Variants in PLEKHH2 observed in about 807,000 individuals in gnomAD.
PLEKHH2 encodes pleckstrin homology domain-containing family H member 2.
Under a neutral mutation model 187.9 loss-of-function variants are expected in PLEKHH2, and 129 were observed. That is an observed-to-expected ratio of 0.69 (90% CI 0.59 to 0.79). The LOEUF (loss-of-function observed/expected upper bound fraction) is 0.79. Among genes scored for constraint, PLEKHH2 ranks in the 30% least tolerant of loss-of-function variants. The pLI, the probability that PLEKHH2 is intolerant of heterozygous loss-of-function variation, is 0.00. For synonymous variants in PLEKHH2, 686 were observed against 605.6 expected (o/e 1.13, Z -1.95); for missense variants, 2,076 against 1,751.2 (o/e 1.19, Z -3.31).
At chr2:43,668,407 A>T (rs1349169221) in intron 2 of PLEKHH2, among the ~76,000 whole-genome samples, 2 of 152,136 alleles carry the variant, frequency 1.3e-5, no homozygotes, top group Non-Finnish European at 2.9e-5. Flanking sequence ...TTGTTTCATA[A>T]AATATTAGAT....
chr2:43,668,276 C>G (rs944828244), intron 2 of PLEKHH2, among the ~76,000 whole-genome samples: 3 of 152,180 alleles, frequency 2.0e-5, no homozygotes, highest in African/African-American at 2.4e-5. Context: ...AGGTAATTCA[C>G]CCACCTTGGC....
intron 17 of PLEKHH2, among the ~76,000 whole-genome samples, chr2:43,727,643 T>G (rs1158575933): frequency 3.9e-5 from 6 of 152,230 alleles, no homozygotes; most frequent in Non-Finnish European, 8.8e-5. Flanking sequence ...TTTGAGCACA[T>G]GTATCAGGCC....
intron 18 of PLEKHH2, among the ~76,000 whole-genome samples, chr2:43,730,552 C>T (rs897861950): frequency 6.6e-6 from 1 of 152,208 alleles, no homozygotes. Context: ...GCATGCACCA[C>T]CATGCCCGAC....
chr2:43,710,662 A>G, intron 14 of PLEKHH2, 87 bp downstream of exon 14: 1 of 1,491,384 alleles, frequency 6.7e-7, no homozygotes, highest in Non-Finnish European at 8.8e-7. Flanking sequence ...AGGAGATAGG[A>G]TAATTCAGTG....
intron 3 of PLEKHH2, among the ~76,000 whole-genome samples, chr2:43,686,836 TA>T (rs1251077932): frequency 6.6e-6 from 1 of 152,190 alleles, no homozygotes; most frequent in African/African-American, 2.4e-5. Context: ...TAAGAAGCTT[TA>T]AAAAGATATT....
chr2:43,697,752 T>G (rs937345414), intron 7 of PLEKHH2, among the ~76,000 whole-genome samples: 4 of 152,154 alleles, frequency 2.6e-5, no homozygotes, highest in Non-Finnish European at 5.9e-5. Flanking sequence ...AAAACATTAT[T>G]TAAAATATAA....
rs888802992 is a variant in PLEKHH2, at chr2:43,659,163, C to CTTTTTTTTTTTTTTT, written c.123+14375_123+14376insTTTTTTTTTTTTTTT. Among the ~76,000 whole-genome samples, 630 of 147,856 alleles carry CTTTTTTTTTTTTTTT rather than the reference C, an allele frequency of 4.3e-3. 9 individuals are homozygous for CTTTTTTTTTTTTTTT. Among genetic ancestry groups the CTTTTTTTTTTTTTTT allele is most frequent in the African/African-American group, 0.016 (603 of 38,708 alleles). ...AATTTTTGTATATATATATTTTTTTCTTTTTTTTGGTAGAAGCGAGGTTTT... is the reference window on the plus strand; with the variant it reads ...AATTTTTGTATATATATATTTTTTTCTTTTTTTTTTTTTTTTTTTTTTTGGTAGAAGCGAGGTTTT... On this transcript the variant is annotated intron_variant, in intron 2 of 29. Transcript: ENST00000282406.
rs544224593 is a variant in PLEKHH2 at position 43,666,828 on chromosome 2, T to C, written c.124-12035T>C. Among the ~76,000 whole-genome samples, 163 of 152,326 alleles carry C rather than the reference T, an allele frequency of 1.1e-3. 1 individual carries two copies. Among genetic ancestry groups the C allele is most frequent in the Non-Finnish European group, 1.7e-3 (113 of 68,032 alleles). On this transcript the variant is annotated intron_variant, in intron 2 of 29. Coordinates refer to ENST00000282406, the MANE Select transcript of PLEKHH2 (RefSeq NM_172069.4). ...TATTTGTATTCTTGAATTGTAAAAA[T>C]TCCTTATATATTCTGGATACAAGTC... is the stretch of plus-strand genomic sequence containing the variant.
chr2:43,669,540 T>C lies in PLEKHH2; in HGVS notation c.124-9323T>C, dbSNP rs903455656. 3.3e-5 allele frequency among the ~76,000 whole-genome samples: 5 copies of C among 152,100 alleles called. 1 individual carries two copies. Among genetic ancestry groups the C allele is most frequent in the Admixed American group, 1.3e-4 (2 of 15,270 alleles). On this transcript the variant is annotated intron_variant, in intron 2 of 29. Transcript: ENST00000282406. The stretch of plus-strand genomic sequence containing the variant: ...TTAACAAAATGATATAAGACACGAA[T>C]AGCATGAATCATAATTAGAAAAAAA...
intron 1 of PLEKHH2, among the ~76,000 whole-genome samples, chr2:43,641,593 C>G (rs1665933365): frequency 6.6e-6 from 1 of 151,990 alleles, no homozygotes; most frequent in Non-Finnish European, 1.5e-5. Flanking sequence ...CCAAGGAAGT[C>G]AAAAGATTGG....
chr2:43,764,506 C>A (rs967164927), intron 29 of PLEKHH2, 141 bp downstream of exon 29: 1 of 833,788 alleles, frequency 1.2e-6, no homozygotes, highest in Non-Finnish European at 1.8e-6. Flanking sequence ...GGAAAACAGA[C>A]GTTATTTATA....
At chr2:43,681,357 G>A in intron 3 of PLEKHH2, 7 of 1,334,832 alleles carry the variant, frequency 5.2e-6, no homozygotes, top group South Asian at 4.0e-5. Flanking sequence ...CCTGTCATCA[G>A]AATTTACTTC....
At position 43,715,899 on chromosome 2, in the gene PLEKHH2, GA is replaced by G. The variant is rs140456837; in HGVS notation, c.2460+3519del. Among the ~76,000 whole-genome samples the G allele has an allele frequency of 4.0e-3, 606 of 152,238 alleles. 6 individuals carry two copies. The highest frequency in any genetic ancestry group is 0.014 in the African/African-American group (577 of 41,524). ...ATCAGCATACATGTGGCAATTATGG[GA>G]AATTATGTAGGGCAGGGGAGAGCAG... On this transcript the variant is annotated intron_variant, in intron 15 of 29. Transcript: ENST00000282406.
chr2:43,655,002 G>A (rs1355797718), intron 2 of PLEKHH2, among the ~76,000 whole-genome samples: 1 of 151,852 alleles, frequency 6.6e-6, no homozygotes, highest in Non-Finnish European at 1.5e-5. Flanking sequence ...CTGCACTCCA[G>A]CATGAGCAAC....
chr2:43,702,527 CTTTTTTTTTT>C lies in PLEKHH2; in HGVS notation c.1651-1441_1651-1432del, dbSNP rs1167078689. On this transcript the variant is annotated intron_variant, in intron 8 of 29. Coordinates refer to ENST00000282406, the MANE Select transcript of PLEKHH2 (RefSeq NM_172069.4). Reference sequence around the variant, plus strand: ...TTTTATTTGGCAACCCATTCTACTACTTTTTTTTTTTTTTTTTTTTTTCCATTCTGTCTTC... The same window carrying C: ...TTTTATTTGGCAACCCATTCTACTACTTTTTTTTTTTTCCATTCTGTCTTC... Among the ~76,000 whole-genome samples the C allele has an allele frequency of 2.1e-4, 12 of 57,420 alleles. 1 individual carries two copies. The highest frequency in any genetic ancestry group is 1.1e-3 in the African/African-American group (12 of 10,480). The allele number at this position is 57,420 out of a possible 152,430, so 37.7% of individuals were successfully genotyped here.
intron 2 of PLEKHH2, among the ~76,000 whole-genome samples, chr2:43,666,791 T>A (rs1385054662): frequency 6.6e-6 from 1 of 152,326 alleles, no homozygotes; most frequent in East Asian, 1.9e-4. Context: ...TTAGCATTTT[T>A]AAAAATGGGG....
intron 16 of PLEKHH2, among the ~76,000 whole-genome samples, chr2:43,723,919 G>T (rs1449669169): frequency 6.6e-6 from 1 of 152,038 alleles, no homozygotes; most frequent in Non-Finnish European, 1.5e-5. Flanking sequence ...AGGTGAGAGG[G>T]GATTGTGGTT....
At chr2:43,753,828 C>A in intron 25 of PLEKHH2, 68 bp downstream of exon 25, 1 of 1,248,570 alleles carries the variant, frequency 8.0e-7, no homozygotes, top group Non-Finnish European at 1.1e-6. Flanking sequence ...CTGAATTAAA[C>A]GTAAAATAAT....
chr2:43,751,638 C>T (rs1672013549), intron 24 of PLEKHH2, among the ~76,000 whole-genome samples: 1 of 152,212 alleles, frequency 6.6e-6, no homozygotes, highest in Admixed American at 6.5e-5. Context: ...AATACCCCCG[C>T]GAGCTAATCT....
Sources: allele counts gnomAD v4.1 joint callset (sites outside exome capture counted in the v4.1 genomes callset), GRCh38; gene constraint gnomAD v4.1.1; transcripts MANE v1.5; gene names NCBI Gene and HGNC (gene_info 2026-07-23, HGNC 2026-07-21).